DNAH10: variants seen among roughly 807,000 people sequenced by gnomAD.
DNAH10 encodes axonemal beta dynein heavy chain 10.
DNAH10 carries 348 observed loss-of-function variants against 506.6 expected under a neutral mutation model. The observed-to-expected ratio is 0.69, with a 90% CI of 0.63 to 0.75. The LOEUF (loss-of-function observed/expected upper bound fraction) is 0.75, where lower values mean the gene tolerates loss of function less well. DNAH10 is among the 30% of genes least tolerant of loss of function. DNAH10 has a pLI of 0.00. For missense variants in DNAH10, 5,179 were observed against 5,787.1 expected (o/e 0.89, Z 3.41); for synonymous variants, 2,059 against 2,198.6 (o/e 0.94, Z 1.78).
At chr12:123,764,976 ATATAAC>A (rs1005944576) in intron 1 of DNAH10, among the ~76,000 whole-genome samples, 6 of 152,066 alleles carry the variant, frequency 3.9e-5, no homozygotes, top group Non-Finnish European at 5.9e-5. Flanking sequence ...CTACAGGCTC[ATATAAC>A]CCTTGAACAG....
intron 7 of DNAH10, 58 bp downstream of exon 7, chr12:123,783,322 A>G (rs1218645234): frequency 6.3e-7 from 1 of 1,597,296 alleles, no homozygotes; most frequent in East Asian, 2.2e-5. Flanking sequence ...CCATGCTGGG[A>G]AAGAGCCCGG....
In DNAH10 at chr12:123,867,900, C is replaced by A. The variant is rs201597921; in HGVS notation, c.7303-3C>A. 6.2e-7 allele frequency: 1 copy of A among 1,612,138 alleles called. No individual in the cohort carries two copies. Among genetic ancestry groups the A allele is most frequent in the African/African-American group, 1.3e-5 (1 of 75,022 alleles). ...CTGAACCAGATATTTTCCTGTGAAC[C>A]AGGTAACCCAGTTAGCCAAGATGTT... On this transcript the variant is annotated splice_polypyrimidine_tract_variant and splice_region_variant and intron_variant, in intron 42 of 78. Coordinates refer to ENST00000673944, the MANE Select transcript of DNAH10 (RefSeq NM_001372106.1).
At chr12:123,851,237 T>C (rs139633990) in intron 35 of DNAH10, among the ~76,000 whole-genome samples, 161 bp downstream of exon 35, 4 of 145,748 alleles carry the variant, frequency 2.7e-5, no homozygotes, top group Admixed American at 6.8e-5. Flanking sequence ...TAGGATGTGT[T>C]AGCTCCGTGT....
rs1406824514 is a variant in DNAH10, at chr12:123,864,733, A to G, written c.7044+3A>G. Reference sequence around the variant, plus strand: ...CACACTGTGCCCTGCTCTTTGAGGCAAGTAGTGATTAAAAGTAAATTTGAA... The same window carrying G: ...CACACTGTGCCCTGCTCTTTGAGGCGAGTAGTGATTAAAAGTAAATTTGAA... On this transcript the variant is annotated splice_donor_region_variant and intron_variant, in intron 40 of 78. Transcript: ENST00000673944. 3 of 1,598,758 alleles carry G rather than the reference A, an allele frequency of 1.9e-6. No homozygotes were observed. The highest frequency in any genetic ancestry group is 1.8e-5 in the Admixed American group (1 of 55,656).
intron 25 of DNAH10, among the ~76,000 whole-genome samples, chr12:123,829,710 G>A (rs901194868): frequency 2.4e-5 from 3 of 127,510 alleles, no homozygotes; most frequent in Non-Finnish European, 3.4e-5. Flanking sequence ...TTCCATGGCC[G>A]TGTGTGTGTG....
Position 123,851,027 on chromosome 12 carries a change from A to G in DNAH10, c.6242A>G (p.Gln2081Arg), listed in dbSNP as rs752146698. 1 of 1,613,570 alleles carries G rather than the reference A, an allele frequency of 6.2e-7. No homozygotes were observed. The highest frequency in any genetic ancestry group is 8.5e-7 in the Non-Finnish European group (1 of 1,179,600). ...GTGGTCGTGATCGTGCCCGACCTGCAGCAGATCTGTGAGATCATGCTCTTC... is the reference window on the plus strand; with the variant it reads ...GTGGTCGTGATCGTGCCCGACCTGCGGCAGATCTGTGAGATCATGCTCTTC... ...RPVVVIVPDLQQICEIMLFSE... is the reference protein window; with the variant it reads ...RPVVVIVPDLRQICEIMLFSE... The change falls in exon 35 of 79, where the codon CAG becomes CGG. Residue 2081 changes from glutamine to arginine, a missense_variant. Physicochemically the swap from Gln to Arg is conservative, Grantham distance 43. This residue lies in a region of DNAH10 where 4,844 missense variants were observed against 5,430.5 expected (regional missense o/e 0.89). Coordinates refer to ENST00000673944, the MANE Select transcript of DNAH10 (RefSeq NM_001372106.1).
At chr12:123,929,856 T>A in intron 72 of DNAH10, 97 bp downstream of exon 72, 1 of 1,086,358 alleles carries the variant, frequency 9.2e-7, no homozygotes, top group Admixed American at 2.2e-5. Context: ...AACCAGCCTC[T>A]TCTGCCCCTG....
intron 11 of DNAH10, among the ~76,000 whole-genome samples, chr12:123,790,648 T>C (rs1341047711): frequency 6.6e-6 from 1 of 151,960 alleles, no homozygotes; most frequent in African/African-American, 2.4e-5. Context: ...AAACAGGAAT[T>C]GTCTGAGGCA....
chr12:123,916,409 G>A lies in DNAH10; in HGVS notation c.10723-48G>A, dbSNP rs1334057872. The stretch of plus-strand genomic sequence containing the variant: ...CCATTCTCCCCTTATATTTGGCAGG[G>A]CCACAGTTAAACGTGGGCTTTCAGC... On this transcript the variant is annotated intron_variant, in intron 62 of 78. Coordinates refer to ENST00000673944, the MANE Select transcript of DNAH10 (RefSeq NM_001372106.1). The surrounding 1 kb of genome is among the most constrained non-coding windows in gnomAD (Gnocchi z 4.6). 2 of 1,563,022 alleles carry A rather than the reference G, an allele frequency of 1.3e-6. No homozygotes were observed. Among genetic ancestry groups the A allele is most frequent in the Non-Finnish European group, 1.7e-6 (2 of 1,156,528 alleles).
At chr12:123,817,839 A>ACC in intron 21 of DNAH10, among the ~76,000 whole-genome samples, 2 of 152,352 alleles carry the variant, frequency 1.3e-5, no homozygotes, top group East Asian at 3.9e-4. Flanking sequence ...ATAACTGGGT[A>ACC]CATTAGCAAG....
intron 26 of DNAH10, among the ~76,000 whole-genome samples, chr12:123,831,915 A>AT: frequency 6.6e-6 from 1 of 152,062 alleles, no homozygotes; most frequent in Non-Finnish European, 1.5e-5. Flanking sequence ...AAAAAAAAAA[A>AT]AAAAGGAAAG....
At chr12:123,803,600 G>T (rs916793086) in intron 16 of DNAH10, 61 bp from the exon 17 acceptor site, 4 of 1,416,440 alleles carry the variant, frequency 2.8e-6, no homozygotes, top group Non-Finnish European at 2.8e-6. Context: ...AGACGTTGGT[G>T]GGGGGATGTG....
In DNAH10 at chr12:123,796,514, A is replaced by C. The variant is rs1958282584; in HGVS notation, c.1987-142A>C. 5.6e-6 allele frequency: 4 copies of C among 717,252 alleles called. No homozygotes were observed. The South Asian group carries it at 9.0e-5, about 16-fold the overall frequency. 44.4% of individuals were successfully genotyped at this position (717,252 alleles called of 1,614,324 possible). A position where few individuals can be genotyped will look rare whatever the true frequency, so the allele number is the denominator to read the frequency against. On this transcript the variant is annotated intron_variant, in intron 12 of 78. Coordinates refer to ENST00000673944, the MANE Select transcript of DNAH10 (RefSeq NM_001372106.1). ...GCATAAGAAAAAGTAGTAAATAATA[A>C]GTAAACAGTGAAAACACTATTCTGC...
Position 123,804,834 on chromosome 12 carries a change from C to A in DNAH10, c.2781C>A (p.Gly927=), listed in dbSNP as rs754624680. ...PAAKSEEELP[G]VKEFFEHIER... is the part of the protein sequence containing the mutation. ...TCTAACAGACATCTTTCTCTCCAGG[C>A]GTGAAGGAATTTTTTGAACACATTG... Residue 927 remains glycine, a splice_region_variant and synonymous_variant, in exon 18 of 79, where the codon GGC becomes GGA. Transcript: ENST00000673944. 1.2e-6 allele frequency: 2 copies of A among 1,608,760 alleles called. No individual in the cohort carries two copies. Among genetic ancestry groups the A allele is most frequent in the African/African-American group, 2.7e-5 (2 of 74,702 alleles).
At position 123,917,684 on chromosome 12, in the gene DNAH10, C is replaced by T. The variant is rs573532419; in HGVS notation, c.11103C>T (p.Ser3701=). ...EQREHLIQET[S]ENKNLLKDLE... ...GGGAGCACCTCATCCAGGAGACCAG[C>T]GAGAACAAGAACCTGCTCAAGGACC... The change falls in exon 64 of 79, where the codon AGC becomes AGT. Residue 3701 remains serine, a synonymous_variant. Coordinates refer to ENST00000673944, the MANE Select transcript of DNAH10 (RefSeq NM_001372106.1). The surrounding 1 kb of genome is among the most constrained non-coding windows in gnomAD (Gnocchi z 5.6). 7.7e-6 allele frequency: 12 copies of T among 1,553,788 alleles called. No individual in the cohort carries two copies. The African/African-American group carries it at 8.2e-5, about 11-fold the overall frequency.
At chr12:123,814,853 G>A (rs1324119418) in intron 21 of DNAH10, among the ~76,000 whole-genome samples, 2 of 152,090 alleles carry the variant, frequency 1.3e-5, no homozygotes, top group African/African-American at 4.8e-5. Flanking sequence ...TCCTGACCTT[G>A]TGATCCACCC....
chr12:123,813,641 G>T lies in DNAH10; in HGVS notation c.3621+1G>T. Reference sequence around the variant, plus strand: ...CTATAATCTCCATGAAGAGATGGAGGTACTCAATCGCTGTGTGTAATTGAA... The same window carrying T: ...CTATAATCTCCATGAAGAGATGGAGTTACTCAATCGCTGTGTGTAATTGAA... On this transcript the variant is annotated splice_donor_variant, in intron 20 of 78. Coordinates refer to ENST00000673944, the MANE Select transcript of DNAH10 (RefSeq NM_001372106.1). LOFTEE classifies it high-confidence loss of function. The T allele has an allele frequency of 6.2e-7, 1 of 1,613,722 alleles. No individual in the cohort carries two copies. The highest frequency in any genetic ancestry group is 8.5e-7 in the Non-Finnish European group (1 of 1,179,684).
At chr12:123,855,641 A>T (rs1004199172) in intron 36 of DNAH10, among the ~76,000 whole-genome samples, 312 of 150,528 alleles carry the variant, frequency 2.1e-3, no homozygotes, top group African/African-American at 7.0e-3. Context: ...CTCAAAAAAA[A>T]AAAAAAAATA....
Position 123,935,529 on chromosome 12 carries a change from C to CAA in DNAH10, c.*49_*50insAA, listed in dbSNP as rs113646068. On this transcript the variant is annotated 3_prime_UTR_variant, in exon 79 of 79. Coordinates refer to ENST00000673944, the MANE Select transcript of DNAH10 (RefSeq NM_001372106.1). ...TAATGAATTCGGAGCCTGGGGTTGT[C>CAA]AGAGTGATCGGGTCTGCTGTCATTT... 3 of 1,546,458 alleles carry CAA rather than the reference C, an allele frequency of 1.9e-6. No homozygotes were observed. The South Asian group carries it at 3.6e-5, about 19-fold the overall frequency.
Sources: allele counts gnomAD v4.1 joint callset (sites outside exome capture counted in the v4.1 genomes callset), GRCh38; gene constraint gnomAD v4.1.1; regional missense constraint gnomAD v4.1.1; non-coding constraint Gnocchi (gnomAD v3.1); transcripts MANE v1.5; gene names NCBI Gene and HGNC (gene_info 2026-07-23, HGNC 2026-07-21).